The following GCNT1 variants were observed in gnomAD, a reference collection of about 807,000 sequenced individuals.
The protein encoded by GCNT1 is beta-1,3-galactosyl-O-glycosyl-glycoprotein beta-1,6-N-acetylglucosaminyltransferase.
A neutral mutation model predicts 26.2 loss-of-function variants in GCNT1; 16 were observed. The observed-to-expected ratio is 0.61, with a 90% CI of 0.41 to 0.93. The LOEUF (loss-of-function observed/expected upper bound fraction) is 0.93. Ranked by LOEUF, GCNT1 falls within the 40% of genes least tolerant of loss-of-function variation. The probability of loss-of-function intolerance (pLI) is 0.00; values close to 1 mark genes in which losing one functional copy is unlikely to be tolerated. For synonymous variants in GCNT1, 183 were observed against 190.8 expected (o/e 0.96, Z 0.34); for missense variants, 477 against 526.7 (o/e 0.91, Z 0.92).
rs1387288514 is a variant in GCNT1 at position 76,502,371 on chromosome 9, T to C, written c.-11T>C. Reference sequence around the variant, plus strand: ...GCCCTTCACAAAGGAAATCCCTGATTATTGTTTGAAATGCTGAGGACGTTG... The same window carrying C: ...GCCCTTCACAAAGGAAATCCCTGATCATTGTTTGAAATGCTGAGGACGTTG... On this transcript the variant is annotated 5_prime_UTR_variant, in exon 4 of 4. Transcript: ENST00000376730. 1 of 1,592,384 alleles carries C rather than the reference T, an allele frequency of 6.3e-7. No individual in the cohort carries two copies. The highest frequency in any genetic ancestry group is 8.6e-7 in the Non-Finnish European group (1 of 1,162,570).
At chr9:76,408,408 A>G in the GCNT1 span, among the ~76,000 whole-genome samples, 1 of 152,142 alleles carries the variant, frequency 6.6e-6, no homozygotes, top group African/African-American at 2.4e-5. Context: ...GAAATGATGA[A>G]TTATTAATCA....
intron 2 of GCNT1, among the ~76,000 whole-genome samples, chr9:76,497,992 T>C (rs1486993083): frequency 6.6e-6 from 1 of 152,174 alleles, no homozygotes; most frequent in Non-Finnish European, 1.5e-5. Context: ...TCATTGCCAT[T>C]CCCCCATGTC....
intron 2 of GCNT1, among the ~76,000 whole-genome samples, chr9:76,471,535 T>C (rs1257685704): frequency 1.3e-5 from 2 of 152,160 alleles, no homozygotes; most frequent in East Asian, 1.9e-4. Context: ...AAGTCAGAAA[T>C]AGACAGCCCA....
intron 1 of GCNT1, among the ~76,000 whole-genome samples, chr9:76,444,537 G>A (rs1823543984): frequency 1.3e-5 from 2 of 152,176 alleles, no homozygotes; most frequent in South Asian, 2.1e-4. Flanking sequence ...AAATGCTGCT[G>A]AGAGTACAGG....
the GCNT1 span, among the ~76,000 whole-genome samples, chr9:76,408,181 G>T: frequency 6.6e-6 from 1 of 152,182 alleles, no homozygotes; most frequent in African/African-American, 2.4e-5. Flanking sequence ...AAAGGGAGTG[G>T]TAAGAGGGGA....
Position 76,503,623 on chromosome 9 carries a change from G to A in GCNT1, c.1242G>A (p.Leu414=). The change falls in exon 4 of 4, where the codon TTG becomes TTA. Residue 414 remains leucine (L), a synonymous_variant. Transcript: ENST00000376730. The part of the protein sequence containing the change: ...VDVDLFAIQC[L]DEHLRHKALE... ...TTGACCTCTTTGCCATCCAGTGTTT[G>A]GATGAGCATTTGAGACACAAAGCTT... The A allele has an allele frequency of 6.2e-7, 1 of 1,614,080 alleles. No homozygotes were observed. Among genetic ancestry groups the A allele is most frequent in the South Asian group, 1.1e-5 (1 of 91,082 alleles).
rs554612778 is a variant in GCNT1 at position 76,495,042 on chromosome 9, C to T, written c.-289-5874C>T. ...TCTTTAGTCCGGCAGCCGCACTAGT[C>T]GCTTTTAACTGGCCGATAGGTGCCC... On this transcript the variant is annotated intron_variant, in intron 2 of 3. Coordinates refer to ENST00000376730, the MANE Select transcript of GCNT1 (RefSeq NM_001490.5). Among the ~76,000 whole-genome samples, 56 of 152,214 alleles carry T rather than the reference C, an allele frequency of 3.7e-4. 1 individual carries two copies. The South Asian group carries it at 7.7e-3, about 21-fold the overall frequency.
At chr9:76,436,314 C>A (rs147185532) in intron 1 of GCNT1, among the ~76,000 whole-genome samples, 228 of 152,074 alleles carry the variant, frequency 1.5e-3, no homozygotes, top group African/African-American at 5.3e-3. Context: ...GGAAATTACA[C>A]CATTTCCCTG....
intron 1 of GCNT1, among the ~76,000 whole-genome samples, chr9:76,425,221 G>A (rs1448175871): frequency 6.7e-6 from 1 of 149,648 alleles, no homozygotes; most frequent in East Asian, 2.0e-4. Flanking sequence ...GTAAGGAATA[G>A]TATTTTAATT....
chr9:76,433,754 G>A (rs931267918), intron 1 of GCNT1, among the ~76,000 whole-genome samples: 1 of 152,320 alleles, frequency 6.6e-6, no homozygotes, highest in Admixed American at 6.5e-5. Context: ...TTTCCTGCTG[G>A]CAAGGTGGTT....
At chr9:76,438,593 A>AG (rs1176159403), upstream of GCNT1, among the ~76,000 whole-genome samples, 1 of 152,114 alleles carries the variant, frequency 6.6e-6, no homozygotes, top group Non-Finnish European at 1.5e-5. Flanking sequence ...GACTGAAAGG[A>AG]GGGGTTCATT....
chr9:76,433,244 C>G (rs1206567546), intron 1 of GCNT1, among the ~76,000 whole-genome samples: 1 of 152,222 alleles, frequency 6.6e-6, no homozygotes, highest in Non-Finnish European at 1.5e-5. Context: ...CTTCGGAGCT[C>G]AGCAGTTGCC....
intron 1 of GCNT1, among the ~76,000 whole-genome samples, chr9:76,445,931 G>T (rs1298272407): frequency 6.6e-6 from 1 of 151,960 alleles, no homozygotes; most frequent in African/African-American, 2.4e-5. Flanking sequence ...AGTGAGCTGT[G>T]GTCAATTACA....
intron 2 of GCNT1, among the ~76,000 whole-genome samples, chr9:76,494,684 G>C (rs547409891): frequency 2.4e-4 from 36 of 152,328 alleles, no homozygotes; most frequent in African/African-American, 8.4e-4. Flanking sequence ...GAGACAGGGA[G>C]TGGTTTTTAT....
chr9:76,449,369 C>T (rs1400143426), intron 1 of GCNT1, among the ~76,000 whole-genome samples: 2 of 152,062 alleles, frequency 1.3e-5, no homozygotes, highest in Admixed American at 6.6e-5. Flanking sequence ...GAATGTGCCA[C>T]CTCAAAACAT....
At chr9:76,413,653 G>GTTTTGTTTTTTTTT in the GCNT1 span, among the ~76,000 whole-genome samples, 1 of 118,662 alleles carries the variant, frequency 8.4e-6, no homozygotes, top group Admixed American at 8.9e-5. Context: ...GTTTTGTTTT[G>GTTTTGTTTTTTTTT]TTTTTTTTTT....
upstream of GCNT1, among the ~76,000 whole-genome samples, chr9:76,458,370 G>A (rs565570710): frequency 6.1e-4 from 92 of 151,970 alleles, no homozygotes; most frequent in Admixed American, 5.6e-3. Flanking sequence ...ATTTAGTAGA[G>A]ACGCGGTTTC....
At chr9:76,455,839 G>C (rs1823751196), upstream of GCNT1, among the ~76,000 whole-genome samples, 1 of 152,196 alleles carries the variant, frequency 6.6e-6, no homozygotes, top group Non-Finnish European at 1.5e-5. Context: ...CTTACCTCAA[G>C]TGATCTGCCC....
At chr9:76,499,060 T>A (rs993595894) in intron 2 of GCNT1, among the ~76,000 whole-genome samples, 8 of 151,700 alleles carry the variant, frequency 5.3e-5, no homozygotes, top group Non-Finnish European at 2.9e-5. Context: ...ATTTTTTTTT[T>A]AATTTATCTG....
Sources: gnomAD v4.1 joint callset for allele counts (sites outside exome capture counted in the v4.1 genomes callset) on GRCh38, gnomAD v4.1.1 for gene constraint, MANE v1.5 for transcripts, NCBI Gene and HGNC (gene_info 2026-07-23, HGNC 2026-07-21) for gene names.